MAML3: variants seen among roughly 807,000 people sequenced by gnomAD.
MAML3 encodes mastermind like transcriptional coactivator 3, also known as mastermind-like protein 3.
In MAML3, 27 loss-of-function variants were observed where a neutral mutation model predicts 101.9. That is an observed-to-expected ratio of 0.27 (90% CI 0.20 to 0.37). The LOEUF is 0.37. MAML3 is among the 10% of genes least tolerant of loss of function. The pLI is 1.00. For missense variants in MAML3, 1,316 were observed against 1,444.9 expected (o/e 0.91, Z 1.45); for synonymous variants, 501 against 555.9 (o/e 0.90, Z 1.39).
rs1212608452 is a variant in MAML3, at chr4:139,717,968, C to CAT, written c.*1353_*1354dup. 3 of 152,334 alleles carry CAT rather than the reference C, an allele frequency of 2.0e-5. No homozygotes were observed. The East Asian group carries it at 5.8e-4, about 29-fold the overall frequency. The allele number at this position is 152,334 out of a possible 1,614,324, so 9.4% of individuals were successfully genotyped here. A position where few individuals can be genotyped will look rare whatever the true frequency, so the allele number is the denominator to read the frequency against. ...TACTTTGCCCATATGAAATAAACTACATCTCCTTTCTATCCAAATTTGTAA... is the reference window on the plus strand; with the variant it reads ...TACTTTGCCCATATGAAATAAACTACATATCTCCTTTCTATCCAAATTTGTAA... On this transcript the variant is annotated 3_prime_UTR_variant, in exon 5 of 5. Coordinates refer to ENST00000509479, the MANE Select transcript of MAML3 (RefSeq NM_018717.5).
intron 1 of MAML3, among the ~76,000 whole-genome samples, chr4:139,913,235 T>C (rs566494522): frequency 1.3e-5 from 2 of 152,230 alleles, no homozygotes; most frequent in African/African-American, 2.4e-5. Context: ...GGGGCAGAAA[T>C]ATGTGGAGTA....
chr4:140,041,851 A>G (rs1013924313), intron 1 of MAML3, among the ~76,000 whole-genome samples: 5 of 152,310 alleles, frequency 3.3e-5, no homozygotes, highest in Non-Finnish European at 4.4e-5. Flanking sequence ...GAAGGCTGCA[A>G]TTCCTTCATC....
At chr4:139,940,054 G>A (rs1389361588) in intron 1 of MAML3, among the ~76,000 whole-genome samples, 23 of 152,198 alleles carry the variant, frequency 1.5e-4, no homozygotes, top group South Asian at 8.3e-4. Context: ...ATGAGCCACC[G>A]CGTCCAGCCC....
intron 2 of MAML3, among the ~76,000 whole-genome samples, chr4:139,858,492 T>C (rs1731708546): frequency 6.6e-6 from 1 of 151,450 alleles, no homozygotes; most frequent in African/African-American, 2.4e-5. Context: ...ATGGAAATTA[T>C]TCCATTCAGT....
chr4:140,108,629 T>C (rs2111007920), intron 1 of MAML3, among the ~76,000 whole-genome samples: 1 of 150,312 alleles, frequency 6.7e-6, no homozygotes, highest in Non-Finnish European at 1.5e-5. Flanking sequence ...TCCTTCTGAT[T>C]ACCAGGGCCA....
chr4:139,771,492 T>C (rs1490509185), intron 2 of MAML3, among the ~76,000 whole-genome samples: 4 of 152,224 alleles, frequency 2.6e-5, no homozygotes, highest in Non-Finnish European at 5.9e-5. Flanking sequence ...TATACTTTTC[T>C]CTCATTAGCA....
intron 1 of MAML3, among the ~76,000 whole-genome samples, chr4:140,026,061 A>G (rs900227991): frequency 6.6e-6 from 1 of 152,162 alleles, no homozygotes; most frequent in Admixed American, 6.5e-5. Context: ...TGCTTAACAT[A>G]CGTCAATCTT....
intron 1 of MAML3, among the ~76,000 whole-genome samples, chr4:139,894,836 A>G (rs1253532346): frequency 6.6e-6 from 1 of 152,230 alleles, no homozygotes; most frequent in East Asian, 1.9e-4. Flanking sequence ...TATGGAAGAT[A>G]CTTGAACATA....
chr4:139,936,330 T>C (rs2110733327), intron 1 of MAML3, among the ~76,000 whole-genome samples: 1 of 152,320 alleles, frequency 6.6e-6, no homozygotes, highest in Admixed American at 6.5e-5. Flanking sequence ...TCTTGGCTAT[T>C]GTGAATAATG....
At chr4:139,922,464 G>A (rs1438743603) in intron 1 of MAML3, among the ~76,000 whole-genome samples, 1 of 150,774 alleles carries the variant, frequency 6.6e-6, no homozygotes, top group Admixed American at 6.7e-5. Flanking sequence ...CTAACCTCAA[G>A]CTAATGATAC....
At chr4:139,930,187 G>A (rs765409039) in intron 1 of MAML3, among the ~76,000 whole-genome samples, 19 of 152,186 alleles carry the variant, frequency 1.2e-4, no homozygotes, top group Non-Finnish European at 2.2e-4. Flanking sequence ...TCCTCTTTGG[G>A]ATATGAAAGT....
At chr4:139,754,014 T>C (rs1163561377) in intron 2 of MAML3, among the ~76,000 whole-genome samples, 1 of 152,274 alleles carries the variant, frequency 6.6e-6, no homozygotes, top group Non-Finnish European at 1.5e-5. Flanking sequence ...GAATTAATAC[T>C]ACCTACTATG....
chr4:139,771,943 T>TAA lies in MAML3; in HGVS notation c.2080-41278_2080-41277dup, dbSNP rs11379203. ...CACACCAGGTCACCTCTACTTAAAG[T>TAA]AAAAAAAAAAAAAAGTCCGGGCGCG... On this transcript the variant is annotated intron_variant, in intron 2 of 4. Transcript: ENST00000509479. Among the ~76,000 whole-genome samples the TAA allele has an allele frequency of 4.2e-3, 577 of 138,510 alleles. 6 individuals carry two copies. Among genetic ancestry groups the TAA allele is most frequent in the African/African-American group, 0.013 (509 of 38,002 alleles). The allele number at this position is 138,510 out of a possible 152,430, so 90.9% of individuals were successfully genotyped here.
intron 1 of MAML3, among the ~76,000 whole-genome samples, chr4:140,065,925 C>T (rs1395299989): frequency 6.6e-6 from 1 of 152,186 alleles, no homozygotes; most frequent in African/African-American, 2.4e-5. Flanking sequence ...ATATCTGCTC[C>T]ATGCATAAAT....
chr4:139,936,948 A>G (rs925271071), intron 1 of MAML3, among the ~76,000 whole-genome samples: 1 of 152,188 alleles, frequency 6.6e-6, no homozygotes, highest in African/African-American at 2.4e-5. Flanking sequence ...CCAGGAGTTT[A>G]TTTTGCTATA....
intron 1 of MAML3, among the ~76,000 whole-genome samples, chr4:140,060,911 G>A (rs1238855477): frequency 6.6e-6 from 1 of 152,174 alleles, no homozygotes; most frequent in South Asian, 2.1e-4. Context: ...CAGGGCCCAG[G>A]TTCTAGCTGA....
At chr4:139,977,691 G>A (rs1339387924) in intron 1 of MAML3, among the ~76,000 whole-genome samples, 3 of 151,986 alleles carry the variant, frequency 2.0e-5, no homozygotes, top group Non-Finnish European at 4.4e-5. Flanking sequence ...CAGCCAACAT[G>A]GTGAAACCCC....
intron 1 of MAML3, among the ~76,000 whole-genome samples, chr4:140,130,027 G>A (rs530051764): frequency 1.3e-3 from 202 of 151,538 alleles, no homozygotes; most frequent in African/African-American, 4.3e-3. Context: ...TAATGAATCC[G>A]CAATTGTGGA....
intron 2 of MAML3, among the ~76,000 whole-genome samples, chr4:139,809,372 G>A (rs1690442161): frequency 6.6e-6 from 1 of 152,198 alleles, no homozygotes; most frequent in Admixed American, 6.5e-5. Flanking sequence ...GATTTTAGGA[G>A]GCAGCCTAGC....
Sources: allele counts gnomAD v4.1 joint callset (sites outside exome capture counted in the v4.1 genomes callset), GRCh38; gene constraint gnomAD v4.1.1; transcripts MANE v1.5; gene names NCBI Gene and HGNC (gene_info 2026-07-23, HGNC 2026-07-21).